The following CLSTN2 variants were observed in gnomAD, a reference collection of about 807,000 sequenced individuals.
The protein encoded by CLSTN2 is calsyntenin-2.
CLSTN2 carries 48 observed loss-of-function variants against 101.2 expected under a neutral mutation model. The observed-to-expected ratio is 0.47, with a 90% CI of 0.38 to 0.60. CLSTN2 has a LOEUF of 0.60. CLSTN2 is among the 20% of genes least tolerant of loss of function. The pLI, the probability that CLSTN2 is intolerant of heterozygous loss-of-function variation, is 0.00. For missense variants in CLSTN2, 1,160 were observed against 1,238.2 expected, an observed-to-expected ratio of 0.94 and a Z score of 0.95; for synonymous variants, 481 against 463.6, an observed-to-expected ratio of 1.04 and a Z score of -0.48.
intron 16 of CLSTN2, among the ~76,000 whole-genome samples, chr3:140,565,337 G>C (rs1212761796): frequency 6.6e-6 from 1 of 152,188 alleles, no homozygotes; most frequent in Non-Finnish European, 1.5e-5. Flanking sequence ...CCTAAGAAGT[G>C]TAAGGGGAGG....
intron 8 of CLSTN2, among the ~76,000 whole-genome samples, chr3:140,519,829 T>C (rs28896542): frequency 0.14 from 21,309 of 152,214 alleles, 1,588 homozygotes; most frequent in African/African-American, 0.16. Flanking sequence ...TAGTGTTGTG[T>C]ATGAATTTTA....
At chr3:140,136,156 C>A (rs1320260) in intron 1 of CLSTN2, among the ~76,000 whole-genome samples, 125,512 of 152,056 alleles carry the variant, frequency 0.83, 51,918 homozygotes, top group East Asian at 0.92. Flanking sequence ...TTGAAAATAT[C>A]TATCACCCTT....
intron 8 of CLSTN2, among the ~76,000 whole-genome samples, chr3:140,523,777 G>A (rs957660244): frequency 1.3e-5 from 2 of 152,140 alleles, no homozygotes; most frequent in East Asian, 1.9e-4. Flanking sequence ...AATCCCTTTT[G>A]CTATCCTGTC....
At chr3:139,968,741 A>T (rs530188438) in intron 1 of CLSTN2, among the ~76,000 whole-genome samples, 1 of 152,340 alleles carries the variant, frequency 6.6e-6, no homozygotes, top group Admixed American at 6.5e-5. Context: ...CCAGAAACTC[A>T]ATAGGTAGAA....
chr3:140,241,864 T>C (rs1302722909), intron 2 of CLSTN2, among the ~76,000 whole-genome samples: 2 of 125,228 alleles, frequency 1.6e-5, no homozygotes, highest in Admixed American at 7.7e-5. Context: ...TACACATATA[T>C]ATACACATAT....
chr3:140,186,787 G>A (rs767527785), intron 2 of CLSTN2, among the ~76,000 whole-genome samples: 1 of 152,044 alleles, frequency 6.6e-6, no homozygotes, highest in African/African-American at 2.4e-5. Context: ...GCAATGGTTG[G>A]CTTGGGTGGC....
At chr3:140,133,314 C>T in intron 1 of CLSTN2, among the ~76,000 whole-genome samples, 1 of 152,186 alleles carries the variant, frequency 6.6e-6, no homozygotes, top group Non-Finnish European at 1.5e-5. Context: ...ATCAGGTCCC[C>T]ACCTCCAACA....
intron 8 of CLSTN2, chr3:140,508,408 G>A (rs972569954): frequency 6.6e-6 from 1 of 152,164 alleles, no homozygotes; most frequent in Non-Finnish European, 1.5e-5. Context: ...CATTCAGTCA[G>A]TCAGTTGATC....
chr3:140,162,645 TG>T (rs999317738), intron 1 of CLSTN2, among the ~76,000 whole-genome samples: 1 of 152,204 alleles, frequency 6.6e-6, no homozygotes, highest in Non-Finnish European at 1.5e-5. Context: ...GGGGCCTTTT[TG>T]CTTGTCTTCT....
At chr3:140,008,148 G>C (rs9863029) in intron 1 of CLSTN2, among the ~76,000 whole-genome samples, 46,784 of 152,188 alleles carry the variant, frequency 0.31, 8,928 homozygotes, top group Non-Finnish European at 0.43. Flanking sequence ...AGAGTGAGTA[G>C]TGTTGGGAGC....
chr3:140,037,512 G>C (rs913310070), intron 1 of CLSTN2, among the ~76,000 whole-genome samples: 8 of 150,128 alleles, frequency 5.3e-5, no homozygotes, highest in East Asian at 2.0e-4. Flanking sequence ...TTTTTTGTTT[G>C]TTTCTTTCTT....
intron 1 of CLSTN2, among the ~76,000 whole-genome samples, chr3:140,076,205 G>C (rs186311755): frequency 3.3e-5 from 5 of 152,062 alleles, no homozygotes; most frequent in Middle Eastern, 3.2e-3. Flanking sequence ...AATGTTCTTC[G>C]CGTTCATCCT....
intron 2 of CLSTN2, among the ~76,000 whole-genome samples, chr3:140,189,858 G>T (rs1467454413): frequency 6.6e-6 from 1 of 152,030 alleles, no homozygotes; most frequent in Non-Finnish European, 1.5e-5. Context: ...GCAGGGCATC[G>T]TCTGAGTTCA....
intron 6 of CLSTN2, among the ~76,000 whole-genome samples, chr3:140,455,337 A>G (rs76547649): frequency 0.01 from 1,553 of 152,324 alleles, 8 homozygotes; most frequent in Middle Eastern, 0.041. Context: ...CTGAAGTGCT[A>G]AGGAACCTCT....
At chr3:140,075,659 C>T (rs2008474420) in intron 1 of CLSTN2, among the ~76,000 whole-genome samples, 1 of 152,152 alleles carries the variant, frequency 6.6e-6, no homozygotes, top group Non-Finnish European at 1.5e-5. Flanking sequence ...TTAGAGACTT[C>T]ACCTGGTGTC....
chr3:140,155,441 G>A (rs1210160724), intron 1 of CLSTN2, among the ~76,000 whole-genome samples: 2 of 152,204 alleles, frequency 1.3e-5, no homozygotes, highest in Non-Finnish European at 2.9e-5. Context: ...TGAGGAGCAG[G>A]TCTGGGGAGG....
intron 2 of CLSTN2, among the ~76,000 whole-genome samples, chr3:140,385,974 A>T (rs539189570): frequency 2.3e-4 from 35 of 152,248 alleles, no homozygotes; most frequent in African/African-American, 8.2e-4. Context: ...CTGGACAGTG[A>T]TCTGCTCTGA....
intron 1 of CLSTN2, among the ~76,000 whole-genome samples, chr3:140,079,721 A>G (rs1006386937): frequency 7.2e-5 from 11 of 151,762 alleles, no homozygotes; most frequent in Non-Finnish European, 1.5e-4. Flanking sequence ...ACTGCACTCC[A>G]GCCTGGACAA....
At chr3:140,199,754 C>G (rs16850037) in intron 2 of CLSTN2, among the ~76,000 whole-genome samples, 3,831 of 152,342 alleles carry the variant, frequency 0.025, 168 homozygotes, top group African/African-American at 0.088. Context: ...ATAAGCACCC[C>G]AGTTGAATCT....
Sources: gnomAD v4.1 joint callset for allele counts (sites outside exome capture counted in the v4.1 genomes callset) on GRCh38, gnomAD v4.1.1 for gene constraint, MANE v1.5 for transcripts, NCBI Gene and HGNC (gene_info 2026-07-23, HGNC 2026-07-21) for gene names.